MED12L: variants seen among roughly 807,000 people sequenced by gnomAD.
MED12L encodes mediator of RNA polymerase II transcription subunit 12-like protein.
In MED12L, 60 loss-of-function variants were observed where a neutral mutation model predicts 281.3. That is an observed-to-expected ratio of 0.21 (90% CI 0.17 to 0.26). The LOEUF is 0.26. Among genes scored for constraint, MED12L ranks in the 10% least tolerant of loss-of-function variants. The probability of loss-of-function intolerance (pLI) is 1.00; values close to 1 mark genes in which losing one functional copy is unlikely to be tolerated. For synonymous variants in MED12L, 974 were observed against 987.2 expected (o/e 0.99, Z 0.25); for missense variants, 2,146 against 2,680.9 (o/e 0.80, Z 4.41).
At chr3:151,421,545 G>A (rs7652056) in intron 43 of MED12L, among the ~76,000 whole-genome samples, 130,745 of 151,872 alleles carry the variant, frequency 0.86, 56,562 homozygotes, top group Middle Eastern at 0.97. Context: ...CAAGAAGCTG[G>A]GATTACAGGC....
At chr3:151,355,821 A>T in intron 18 of MED12L, 75 bp from the exon 19 acceptor site, 1 of 1,356,594 alleles carries the variant, frequency 7.4e-7, no homozygotes, top group Non-Finnish European at 1.0e-6. Context: ...TGTCTTAAAA[A>T]GTAAAAATGA....
intron 16 of MED12L, chr3:151,336,937 T>C (rs748592761): frequency 2.6e-5 from 4 of 153,586 alleles, no homozygotes; most frequent in South Asian, 2.0e-4. Context: ...TCAGTAGTTA[T>C]GCTGTGCAAC....
intron 16 of MED12L, among the ~76,000 whole-genome samples, chr3:151,257,497 C>A (rs903842349): frequency 6.6e-6 from 1 of 152,236 alleles, no homozygotes; most frequent in South Asian, 2.1e-4. Context: ...TGCTTCAGCA[C>A]CCTCATCGTT....
intron 16 of MED12L, chr3:151,327,689 CT>C (rs1749797991): frequency 4.9e-6 from 1 of 205,368 alleles, no homozygotes; most frequent in South Asian, 1.6e-4. Context: ...ATATACGTTT[CT>C]CCTTAGTCTT....
rs73018611 is a variant in MED12L at position 151,179,333 on chromosome 3, G to T, written c.1495-5997G>T. 1.3e-3 allele frequency among the ~76,000 whole-genome samples: 196 copies of T among 146,564 alleles called. 1 individual carries two copies. Among genetic ancestry groups the T allele is most frequent in the African/African-American group, 4.3e-3 (175 of 40,316 alleles). Reference sequence around the variant, plus strand: ...CTAGCCTGGGTGACAGAGCCAGACCGAAAAAAAAAAGGGCGGGGGGTTAAT... The same window carrying T: ...CTAGCCTGGGTGACAGAGCCAGACCTAAAAAAAAAAGGGCGGGGGGTTAAT... On this transcript the variant is annotated intron_variant, in intron 11 of 44. Transcript: ENST00000687756.
intron 16 of MED12L, chr3:151,199,214 G>A (rs1725156443): frequency 1.2e-6 from 2 of 1,613,900 alleles, no homozygotes; most frequent in Non-Finnish European, 1.7e-6. Context: ...GAAATCGGCT[G>A]TAAGCAAATT....
At chr3:151,375,948 A>G (rs1057137351) in intron 27 of MED12L, 78 bp from the exon 28 acceptor site, 1 of 654,176 alleles carries the variant, frequency 1.5e-6, no homozygotes, top group African/African-American at 1.9e-5. Flanking sequence ...TCAATTATGC[A>G]CTGTGGATTT....
chr3:151,235,558 G>T (rs929111510), intron 16 of MED12L, among the ~76,000 whole-genome samples: 8 of 152,114 alleles, frequency 5.3e-5, no homozygotes, highest in African/African-American at 1.9e-4. Context: ...ACAAAAATTA[G>T]CTGGGCGTGC....
chr3:151,140,827 G>A (rs1344121093), intron 5 of MED12L, among the ~76,000 whole-genome samples: 1 of 149,642 alleles, frequency 6.7e-6, no homozygotes, highest in Non-Finnish European at 1.5e-5. Context: ...TTACAGGCAC[G>A]TGCCTCCACA....
chr3:151,343,605 A>G (rs1752150546), intron 16 of MED12L, among the ~76,000 whole-genome samples: 2 of 150,208 alleles, frequency 1.3e-5, no homozygotes, highest in African/African-American at 4.9e-5. Flanking sequence ...AGATACTTTA[A>G]TCTCTCATTA....
At chr3:151,357,163 C>A (rs377013265) in intron 19 of MED12L, 50 bp from the exon 20 acceptor site, 3 of 1,420,830 alleles carry the variant, frequency 2.1e-6, no homozygotes, top group African/African-American at 2.9e-5. Flanking sequence ...AATGTTTTCT[C>A]TATTTGTTTT....
At chr3:151,257,720 T>G (rs1296897333) in intron 16 of MED12L, among the ~76,000 whole-genome samples, 1 of 152,224 alleles carries the variant, frequency 6.6e-6, no homozygotes, top group Non-Finnish European at 1.5e-5. Flanking sequence ...AAAACATGCT[T>G]TTGAAATTCA....
At chr3:151,131,965 T>C (rs1715465720) in intron 5 of MED12L, among the ~76,000 whole-genome samples, 1 of 152,258 alleles carries the variant, frequency 6.6e-6, no homozygotes, top group Non-Finnish European at 1.5e-5. Context: ...GTAAGCCAGA[T>C]AACATACGAT....
At chr3:151,378,503 T>A (rs936332137) in intron 31 of MED12L, among the ~76,000 whole-genome samples, 4 of 151,858 alleles carry the variant, frequency 2.6e-5, no homozygotes, top group African/African-American at 9.7e-5. Context: ...TTTCTATTTT[T>A]TTATTATTTA....
intron 16 of MED12L, among the ~76,000 whole-genome samples, chr3:151,233,189 CG>C (rs1157534260): frequency 6.6e-6 from 1 of 152,152 alleles, no homozygotes; most frequent in African/African-American, 2.4e-5. Flanking sequence ...TTGACGAGCC[CG>C]GCTGCCTCAC....
intron 16 of MED12L, among the ~76,000 whole-genome samples, chr3:151,349,037 A>T (rs1419937828): frequency 6.6e-6 from 1 of 152,250 alleles, no homozygotes; most frequent in African/African-American, 2.4e-5. Flanking sequence ...AAAAATATAC[A>T]TAGAGTAAGA....
At chr3:151,255,970 C>G (rs180699383) in intron 16 of MED12L, among the ~76,000 whole-genome samples, 1 of 152,168 alleles carries the variant, frequency 6.6e-6, no homozygotes, top group Non-Finnish European at 1.5e-5. Flanking sequence ...ACTATAATGC[C>G]TAGCTCTAAG....
intron 16 of MED12L, among the ~76,000 whole-genome samples, chr3:151,343,827 A>G (rs892541135): frequency 6.6e-6 from 1 of 152,146 alleles, no homozygotes; most frequent in African/African-American, 2.4e-5. Context: ...AAATGGGATT[A>G]CTCTGAAACC....
chr3:151,313,020 C>T (rs986405559), intron 16 of MED12L, among the ~76,000 whole-genome samples: 2 of 152,168 alleles, frequency 1.3e-5, no homozygotes, highest in African/African-American at 4.8e-5. Flanking sequence ...ACTTGGAATA[C>T]AATATACTTG....
Sources: allele counts gnomAD v4.1 joint callset (sites outside exome capture counted in the v4.1 genomes callset), GRCh38; gene constraint gnomAD v4.1.1; transcripts MANE v1.5; gene names NCBI Gene and HGNC (gene_info 2026-07-23, HGNC 2026-07-21).